PTAR1: variants seen among roughly 807,000 people sequenced by gnomAD.
PTAR1 encodes protein prenyltransferase alpha subunit repeat containing 1.
In PTAR1, 17 loss-of-function variants were observed where a neutral mutation model predicts 45.5. The observed-to-expected ratio is 0.37, with a 90% CI of 0.26 to 0.56. The LOEUF (loss-of-function observed/expected upper bound fraction) is 0.56, where lower values mean the gene tolerates loss of function less well. PTAR1 is among the 20% of genes least tolerant of loss of function. The pLI, the probability that PTAR1 is intolerant of heterozygous loss-of-function variation, is 0.77. For missense variants in PTAR1, 391 were observed against 476.3 expected, an observed-to-expected ratio of 0.82 and a Z score of 1.67; for synonymous variants, 169 against 171.3, an observed-to-expected ratio of 0.99 and a Z score of 0.11.
At chr9:69,758,607 G>A (rs1826908329) in intron 1 of PTAR1, 1 of 315,416 alleles carries the variant, frequency 3.2e-6, no homozygotes, top group East Asian at 1.0e-4. Flanking sequence ...GAGGCCAGCA[G>A]TGTTTTGTTT....
At chr9:69,737,883 A>G (rs892228697) in intron 3 of PTAR1, among the ~76,000 whole-genome samples, 7 of 152,226 alleles carry the variant, frequency 4.6e-5, no homozygotes, top group Admixed American at 2.6e-4. Context: ...GATAATACAA[A>G]GAATTCCCAT....
Position 69,759,865 on chromosome 9 carries a change from C to T in PTAR1, c.74G>A (p.Arg25Lys). ...GCGCGCGACTCACATGTGTGGGTTC[C>T]TCCTGAAGGCGTTAGTGATGTCCTT... ...VVKDITNAFRRNPHIDEIGLI... is the reference protein window; with the variant it reads ...VVKDITNAFRKNPHIDEIGLI... The change falls in exon 1 of 8, where the codon AGG becomes AAG. Residue 25 changes from arginine to lysine, a missense_variant. Transcript: ENST00000340434. The T allele has an allele frequency of 6.5e-7, 1 of 1,527,604 alleles. No individual in the cohort carries two copies. Among genetic ancestry groups the T allele is most frequent in the Non-Finnish European group, 8.8e-7 (1 of 1,136,828 alleles). 94.6% of individuals were successfully genotyped at this position (1,527,604 alleles called of 1,614,324 possible).
At chr9:69,723,710 T>C (rs1825136812) in intron 5 of PTAR1, 80 bp from the exon 6 acceptor site, 3 of 1,106,248 alleles carry the variant, frequency 2.7e-6, no homozygotes, top group African/African-American at 3.1e-5. Flanking sequence ...TGATTTCTCT[T>C]TGATTTGTTC....
chr9:69,759,791 G>GCTTGGGACT, intron 1 of PTAR1, 62 bp downstream of exon 1: 1 of 1,483,370 alleles, frequency 6.7e-7, no homozygotes, highest in Non-Finnish European at 9.0e-7. Context: ...TCGGGTGGAC[G>GCTTGGGACT]CTTGGCCCCG....
chr9:69,713,019 T>C lies in PTAR1; in HGVS notation c.*5323A>G, dbSNP rs1588434464. On this transcript the variant is annotated 3_prime_UTR_variant, in exon 8 of 8. Transcript: ENST00000340434. ...TGCCTTTTCTTTTTGCCACTGAATA[T>C]AAAATTTGTCCTGAATTTACTAAAT... 1 of 152,146 alleles carries C rather than the reference T, an allele frequency of 6.6e-6. No individual in the cohort carries two copies. Among genetic ancestry groups the C allele is most frequent in the Non-Finnish European group, 1.5e-5 (1 of 68,008 alleles). The allele number at this position is 152,146 out of a possible 1,614,324, so 9.4% of individuals were successfully genotyped here.
chr9:69,723,536 G>A lies in PTAR1; in HGVS notation c.737C>T (p.Ser246Phe), dbSNP rs201080739. Reference protein sequence around the residue: ...GFHYRQFLLKSLISQTVIDSS... With the variant: ...GFHYRQFLLKFLISQTVIDSS... ...GTCTATCACAGTTTGGCTAATCAAAGACTTAAGCAAAAACTGGCGGTAGTG... is the reference window on the plus strand; with the variant it reads ...GTCTATCACAGTTTGGCTAATCAAAAACTTAAGCAAAAACTGGCGGTAGTG... The change falls in exon 6 of 8, where the codon TCT becomes TTT. Residue 246 changes from serine to phenylalanine, a missense_variant. Ser to Phe is a radical substitution (Grantham distance 155). This residue lies in a region of PTAR1 where 181 missense variants were observed against 227.7 expected (regional missense o/e 0.80). Transcript: ENST00000340434. The A allele has an allele frequency of 1.5e-5, 25 of 1,613,822 alleles. No homozygotes were observed. The highest frequency in any genetic ancestry group is 2.1e-5 in the Non-Finnish European group (25 of 1,179,786).
rs1824715881 is a variant in PTAR1, at chr9:69,716,033, C to A, written c.*2309G>T. On this transcript the variant is annotated 3_prime_UTR_variant, in exon 8 of 8. Transcript: ENST00000340434. ...TAGGCAAGATAATCAGTGGAAGGTA[C>A]ACAAAGGCATGGAGCACTATAAAAC... The A allele has an allele frequency of 6.6e-6, 1 of 152,092 alleles. No individual in the cohort carries two copies. Among genetic ancestry groups the A allele is most frequent in the African/African-American group, 2.4e-5 (1 of 41,418 alleles). The allele number at this position is 152,092 out of a possible 1,614,324, so 9.4% of individuals were successfully genotyped here.
At chr9:69,753,583 A>T (rs929485408) in intron 1 of PTAR1, among the ~76,000 whole-genome samples, 1 of 152,184 alleles carries the variant, frequency 6.6e-6, no homozygotes. Context: ...CATTTGTAAA[A>T]TGGTAGAATT....
At chr9:69,723,675 G>C in intron 5 of PTAR1, 45 bp from the exon 6 acceptor site, 3 of 1,428,768 alleles carry the variant, frequency 2.1e-6, no homozygotes, top group Non-Finnish European at 2.9e-6. Context: ...GTTCCCAAAG[G>C]TTCTTCTTTC....
At chr9:69,752,501 A>G (rs780778822) in intron 1 of PTAR1, among the ~76,000 whole-genome samples, 7 of 152,084 alleles carry the variant, frequency 4.6e-5, no homozygotes, top group Non-Finnish European at 8.8e-5. Flanking sequence ...AGACTGTGGG[A>G]TCTATGGGTT....
At chr9:69,747,612 A>G (rs1413699872) in intron 2 of PTAR1, among the ~76,000 whole-genome samples, 1 of 152,234 alleles carries the variant, frequency 6.6e-6, no homozygotes, top group East Asian at 1.9e-4. Context: ...CAAGAGCTTG[A>G]AAAGGCTGTG....
intron 1 of PTAR1, among the ~76,000 whole-genome samples, chr9:69,755,552 G>C (rs1826739059): frequency 6.6e-6 from 1 of 152,108 alleles, no homozygotes; most frequent in Non-Finnish European, 1.5e-5. Flanking sequence ...CTATAGTGTG[G>C]AGCAACCAAA....
At chr9:69,724,734 G>A (rs1825185987) in intron 5 of PTAR1, among the ~76,000 whole-genome samples, 1 of 151,962 alleles carries the variant, frequency 6.6e-6, no homozygotes, top group Non-Finnish European at 1.5e-5. Context: ...AGTGAGTGAG[G>A]GCTTTAAGAT....
At position 69,741,850 on chromosome 9, in the gene PTAR1, C is replaced by T; in HGVS notation, c.265G>A (p.Asp89Asn). 6.3e-7 allele frequency: 1 copy of T among 1,587,372 alleles called. No homozygotes were observed. The highest frequency in any genetic ancestry group is 8.6e-7 in the Non-Finnish European group (1 of 1,162,408). Reference protein sequence around the residue: ...KQWLNRDELIDVTCTLLLLNP... With the variant: ...KQWLNRDELINVTCTLLLLNP... Reference sequence around the variant, plus strand: ...AGAAGCAGCAGGGTACATGTGACATCTATCAATTCTAAAATAAAGAGAAGT... The same window carrying T: ...AGAAGCAGCAGGGTACATGTGACATTTATCAATTCTAAAATAAAGAGAAGT... Residue 89 changes from aspartate to asparagine, a missense_variant, in exon 3 of 8, where the codon GAT (aspartate) becomes AAT (asparagine). Around this residue, in one of 5 missense-constraint regions of PTAR1, gnomAD observed 152 missense variants for 160.0 expected, o/e 0.95. Coordinates refer to ENST00000340434, the MANE Select transcript of PTAR1 (RefSeq NM_001099666.2).
chr9:69,723,685 C>G (rs1825135384), intron 5 of PTAR1, 55 bp from the exon 6 acceptor site: 2 of 1,321,486 alleles, frequency 1.5e-6, no homozygotes, highest in South Asian at 1.4e-5. Context: ...GTTCTTCTTT[C>G]TCCATTATTG....
At chr9:69,754,397 A>AT (rs1019431031) in intron 1 of PTAR1, among the ~76,000 whole-genome samples, 1 of 151,884 alleles carries the variant, frequency 6.6e-6, no homozygotes, top group Non-Finnish European at 1.5e-5. Context: ...AATTCCTTCT[A>AT]TTTTTCTGGA....
rs1182899589 is a variant in PTAR1, at chr9:69,718,073, CA to C, written c.*268del. 1 of 317,702 alleles carries C rather than the reference CA, an allele frequency of 3.1e-6. No individual in the cohort carries two copies. The highest frequency in any genetic ancestry group is 5.8e-6 in the Non-Finnish European group (1 of 172,566). The allele number at this position is 317,702 out of a possible 1,614,324, so 19.7% of individuals were successfully genotyped here. ...ATCAGGAAAACCAAATGAGAAGCCC[CA>C]CATATAGAAATACAAAGGGTGAGAA... On this transcript the variant is annotated 3_prime_UTR_variant, in exon 8 of 8. Coordinates refer to ENST00000340434, the MANE Select transcript of PTAR1 (RefSeq NM_001099666.2).
intron 5 of PTAR1, among the ~76,000 whole-genome samples, chr9:69,729,958 A>G (rs766706487): frequency 1.3e-5 from 2 of 152,228 alleles, no homozygotes; most frequent in Non-Finnish European, 2.9e-5. Flanking sequence ...AGCACTTTAA[A>G]AAGTCATTTT....
At chr9:69,727,931 C>T (rs1825361962) in intron 5 of PTAR1, among the ~76,000 whole-genome samples, 2 of 152,106 alleles carry the variant, frequency 1.3e-5, no homozygotes, top group African/African-American at 4.8e-5. Flanking sequence ...AATGTTTTCA[C>T]CACCCCCACA....
Sources: gnomAD v4.1 joint callset for allele counts (sites outside exome capture counted in the v4.1 genomes callset) on GRCh38, gnomAD v4.1.1 for gene constraint, gnomAD v4.1.1 regional missense constraint, MANE v1.5 for transcripts, NCBI Gene and HGNC (gene_info 2026-07-23, HGNC 2026-07-21) for gene names.